The following MACROD2 variants were observed in gnomAD, a reference collection of about 807,000 sequenced individuals.
MACROD2 encodes the protein mono-ADP ribosylhydrolase 2.
MACROD2 carries 36 observed loss-of-function variants against 70.4 expected under a neutral mutation model. That is an observed-to-expected ratio of 0.51 (90% CI 0.39 to 0.68). The LOEUF is 0.68. Among genes scored for constraint, MACROD2 ranks in the 30% least tolerant of loss-of-function variants. The probability of loss-of-function intolerance (pLI) is 0.00; values close to 1 mark genes in which losing one functional copy is unlikely to be tolerated. For synonymous variants in MACROD2, 172 were observed against 178.8 expected, an observed-to-expected ratio of 0.96 and a Z score of 0.30; for missense variants, 496 against 538.4, an observed-to-expected ratio of 0.92 and a Z score of 0.78.
intron 5 of MACROD2, among the ~76,000 whole-genome samples, chr20:14,763,932 C>T (rs2072050577): frequency 6.6e-6 from 1 of 152,056 alleles, no homozygotes; most frequent in South Asian, 2.1e-4. Context: ...CTAAGGGGTT[C>T]ACAAACCTCA....
At chr20:15,480,584 G>A (rs1421609147) in intron 7 of MACROD2, among the ~76,000 whole-genome samples, 1 of 151,590 alleles carries the variant, frequency 6.6e-6, no homozygotes, top group African/African-American at 2.4e-5. Context: ...CCCTGTGGAT[G>A]GCTGCCTGAG....
intron 3 of MACROD2, among the ~76,000 whole-genome samples, chr20:14,401,598 T>C (rs895948371): frequency 6.6e-6 from 1 of 152,198 alleles, no homozygotes; most frequent in Non-Finnish European, 1.5e-5. Context: ...ATCCAATCAG[T>C]GTGTTTATTC....
intron 8 of MACROD2, among the ~76,000 whole-genome samples, chr20:15,795,427 G>A (rs118130409): frequency 0.024 from 3,584 of 152,126 alleles, 60 homozygotes; most frequent in Admixed American, 0.044. Flanking sequence ...TGATTTGGGC[G>A]TTTGAGAATG....
chr20:15,574,645 C>T (rs559556198), intron 8 of MACROD2, among the ~76,000 whole-genome samples: 26 of 152,232 alleles, frequency 1.7e-4, no homozygotes, highest in South Asian at 4.1e-4. Context: ...TCATACAGGG[C>T]TTGGACTTCA....
chr20:14,460,438 A>T (rs1022635297), intron 3 of MACROD2, among the ~76,000 whole-genome samples: 5 of 152,008 alleles, frequency 3.3e-5, no homozygotes, highest in Admixed American at 2.6e-4. Context: ...TGAGATGGTA[A>T]CCCACTGTGA....
intron 8 of MACROD2, among the ~76,000 whole-genome samples, chr20:15,675,785 C>T (rs921596208): frequency 1.3e-5 from 2 of 152,116 alleles, no homozygotes; most frequent in Non-Finnish European, 2.9e-5. Context: ...TGTGGATGAT[C>T]ATTAGAAGAG....
At chr20:14,010,950 C>A (rs1306138543) in intron 2 of MACROD2, among the ~76,000 whole-genome samples, 1 of 152,148 alleles carries the variant, frequency 6.6e-6, no homozygotes, top group Non-Finnish European at 1.5e-5. Context: ...TCTATAACAG[C>A]AGTGGAATTT....
At chr20:14,956,297 CT>C (rs1160180245) in intron 5 of MACROD2, among the ~76,000 whole-genome samples, 1 of 151,860 alleles carries the variant, frequency 6.6e-6, no homozygotes, top group African/African-American at 2.4e-5. Context: ...ACGAATGCTT[CT>C]GACAAATGGA....
chr20:14,373,033 A>G (rs2083341053), intron 3 of MACROD2, among the ~76,000 whole-genome samples: 1 of 152,142 alleles, frequency 6.6e-6, no homozygotes, highest in African/African-American at 2.4e-5. Flanking sequence ...CATTCCAAAC[A>G]CTGCCTTAAA....
intron 12 of MACROD2, among the ~76,000 whole-genome samples, chr20:15,947,869 T>G (rs956392883): frequency 6.6e-6 from 1 of 152,152 alleles, no homozygotes; most frequent in African/African-American, 2.4e-5. Context: ...TCCACAAGAA[T>G]TAACTAGAGA....
At chr20:15,863,029 G>T (rs574808313) in intron 9 of MACROD2, among the ~76,000 whole-genome samples, 68 of 151,574 alleles carry the variant, frequency 4.5e-4, no homozygotes, top group African/African-American at 1.6e-3. Flanking sequence ...GTGTTGTCTT[G>T]GGGAAGTCAG....
chr20:14,829,550 C>A (rs1182849253), intron 5 of MACROD2, among the ~76,000 whole-genome samples: 3 of 151,966 alleles, frequency 2.0e-5, no homozygotes, highest in Non-Finnish European at 4.4e-5. Context: ...CGGCAGTTGT[C>A]TAATGATGAT....
chr20:15,867,067 G>T (rs749986468), intron 9 of MACROD2, among the ~76,000 whole-genome samples: 1 of 152,150 alleles, frequency 6.6e-6, no homozygotes, highest in Non-Finnish European at 1.5e-5. Context: ...CAGAGGCCTC[G>T]CTCCTTGGCT....
At chr20:14,199,134 T>C (rs906852028) in intron 3 of MACROD2, among the ~76,000 whole-genome samples, 1 of 152,178 alleles carries the variant, frequency 6.6e-6, no homozygotes, top group Admixed American at 6.5e-5. Context: ...CTTTGAAAAT[T>C]AGTTATCATA....
intron 3 of MACROD2, among the ~76,000 whole-genome samples, chr20:14,485,502 T>C (rs143779782): frequency 0.03 from 4,555 of 151,812 alleles, 167 homozygotes; most frequent in African/African-American, 0.085. Context: ...GAAATCAGGA[T>C]CATCCTGGCT....
At chr20:15,973,763 A>G (rs2066265170) in intron 13 of MACROD2, among the ~76,000 whole-genome samples, 1 of 152,222 alleles carries the variant, frequency 6.6e-6, no homozygotes, top group Non-Finnish European at 1.5e-5. Context: ...AGGAGCATCA[A>G]AAGAAAACAT....
intron 6 of MACROD2, among the ~76,000 whole-genome samples, chr20:15,416,376 A>G (rs1177782223): frequency 6.6e-6 from 1 of 152,202 alleles, no homozygotes; most frequent in African/African-American, 2.4e-5. Context: ...TTCCCTTGTT[A>G]AATATAAAGT....
At chr20:15,074,703 C>T (rs902414671) in intron 5 of MACROD2, among the ~76,000 whole-genome samples, 5 of 152,128 alleles carry the variant, frequency 3.3e-5, no homozygotes, top group African/African-American at 1.2e-4. Flanking sequence ...TGATTGCTTG[C>T]TTGGTGTGGA....
chr20:15,121,560 C>T (rs969239835), intron 5 of MACROD2, among the ~76,000 whole-genome samples: 8 of 150,542 alleles, frequency 5.3e-5, no homozygotes, highest in African/African-American at 9.8e-5. Context: ...CCTAAGGAGA[C>T]GGGTAGGTCA....
Sources: gnomAD v4.1 joint callset for allele counts (sites outside exome capture counted in the v4.1 genomes callset) on GRCh38, gnomAD v4.1.1 for gene constraint, MANE v1.5 for transcripts, NCBI Gene and HGNC (gene_info 2026-07-23, HGNC 2026-07-21) for gene names.